Variants in CADM2 observed in about 807,000 individuals in gnomAD.
CADM2 encodes the protein immunoglobulin superfamily member 4D.
CADM2 carries 12 observed loss-of-function variants against 49.8 expected under a neutral mutation model. The observed-to-expected ratio is 0.24, with a 90% CI of 0.15 to 0.39. CADM2 has a LOEUF of 0.39. Among genes scored for constraint, CADM2 ranks in the 10% least tolerant of loss-of-function variants. The probability of loss-of-function intolerance (pLI) is 1.00; values close to 1 mark genes in which losing one functional copy is unlikely to be tolerated. For missense variants in CADM2, 378 were observed against 492.3 expected (o/e 0.77, Z 2.20); for synonymous variants, 214 against 175.4 (o/e 1.22, Z -1.74).
intron 1 of CADM2, among the ~76,000 whole-genome samples, chr3:85,031,987 T>A (rs1170082356): frequency 2.0e-5 from 3 of 152,196 alleles, no homozygotes; most frequent in Non-Finnish European, 4.4e-5. Context: ...TCTTGATACA[T>A]ACTGTATTTA....
chr3:85,068,095 T>A (rs2036588150), intron 1 of CADM2, among the ~76,000 whole-genome samples: 1 of 152,184 alleles, frequency 6.6e-6, no homozygotes, highest in Non-Finnish European at 1.5e-5. Flanking sequence ...TAGACACTAT[T>A]TTTAACGCAG....
At chr3:85,140,667 G>A (rs1030361857) in intron 1 of CADM2, among the ~76,000 whole-genome samples, 1 of 152,162 alleles carries the variant, frequency 6.6e-6, no homozygotes, top group Non-Finnish European at 1.5e-5. Flanking sequence ...GGCTTAAGAG[G>A]TTAAGTAACT....
At chr3:85,157,257 A>G (rs908883946) in intron 1 of CADM2, among the ~76,000 whole-genome samples, 6 of 151,406 alleles carry the variant, frequency 4.0e-5, no homozygotes, top group African/African-American at 1.5e-4. Flanking sequence ...GAAAATGGCC[A>G]TACTGCCCAA....
chr3:85,104,319 G>T (rs1205383411), intron 1 of CADM2, among the ~76,000 whole-genome samples: 2 of 151,562 alleles, frequency 1.3e-5, no homozygotes, highest in East Asian at 1.9e-4. Flanking sequence ...TTTCCCCATT[G>T]CTTGTTTTTC....
chr3:85,345,028 A>T (rs2030435135), intron 1 of CADM2, among the ~76,000 whole-genome samples: 1 of 152,136 alleles, frequency 6.6e-6, no homozygotes, highest in South Asian at 2.1e-4. Context: ...AATTTGTCAG[A>T]AATATCTCTG....
At chr3:85,329,702 A>C in intron 1 of CADM2, among the ~76,000 whole-genome samples, 2 of 152,324 alleles carry the variant, frequency 1.3e-5, no homozygotes, top group Middle Eastern at 3.4e-3. Context: ...GTAATATGAT[A>C]TGCTGAAGTA....
chr3:85,953,037 C>T (rs1363941176), intron 7 of CADM2, among the ~76,000 whole-genome samples: 5 of 150,548 alleles, frequency 3.3e-5, no homozygotes, highest in Non-Finnish European at 3.0e-5. Context: ...CACACCTGTA[C>T]CCCAAACTTT....
chr3:85,927,399 T>C (rs1720010823), intron 6 of CADM2, among the ~76,000 whole-genome samples: 1 of 152,150 alleles, frequency 6.6e-6, no homozygotes, highest in Non-Finnish European at 1.5e-5. Context: ...TAATACCTGA[T>C]CTTGAGGGAC....
At chr3:85,983,671 C>A (rs143512542) in intron 8 of CADM2, among the ~76,000 whole-genome samples, 1,585 of 151,702 alleles carry the variant, frequency 0.01, 28 homozygotes, top group African/African-American at 0.034. Flanking sequence ...TGGCAAAATT[C>A]TTTGGTGTTA....
At chr3:85,936,770 G>T (rs1315670240) in intron 7 of CADM2, among the ~76,000 whole-genome samples, 6 of 151,720 alleles carry the variant, frequency 4.0e-5, no homozygotes, top group Non-Finnish European at 8.9e-5. Context: ...AGAATTGTAA[G>T]ATAGATGCCT....
chr3:85,912,919 A>G (rs192665721), intron 6 of CADM2, among the ~76,000 whole-genome samples: 3 of 152,244 alleles, frequency 2.0e-5, no homozygotes, highest in Admixed American at 6.5e-5. Context: ...ATTTTATGCA[A>G]TTGTGGCTTC....
At chr3:85,630,251 C>T (rs1395402074) in intron 1 of CADM2, among the ~76,000 whole-genome samples, 1 of 151,900 alleles carries the variant, frequency 6.6e-6, no homozygotes. Context: ...GGTCTGTTTT[C>T]CCAGTATCCT....
At chr3:85,310,015 G>T (rs1030733494) in intron 1 of CADM2, among the ~76,000 whole-genome samples, 40 of 152,114 alleles carry the variant, frequency 2.6e-4, no homozygotes, top group Non-Finnish European at 5.7e-4. Context: ...TCTTCTTAGA[G>T]CTAAATTTAA....
chr3:85,556,831 C>T (rs2061972064), intron 1 of CADM2, among the ~76,000 whole-genome samples: 1 of 152,108 alleles, frequency 6.6e-6, no homozygotes, highest in South Asian at 2.1e-4. Flanking sequence ...ATCAAAATTA[C>T]TGAACTTAGA....
intron 1 of CADM2, among the ~76,000 whole-genome samples, chr3:85,525,796 G>T (rs1012094647): frequency 2.6e-5 from 4 of 151,866 alleles, no homozygotes; most frequent in African/African-American, 4.8e-5. Context: ...GGGTTTATCA[G>T]TGAAACTCTT....
At chr3:85,273,097 A>G (rs575540118) in intron 1 of CADM2, among the ~76,000 whole-genome samples, 46 of 150,500 alleles carry the variant, frequency 3.1e-4, no homozygotes, top group South Asian at 2.7e-3. Flanking sequence ...AATACTGGGG[A>G]AAAAAAAAGG....
At chr3:86,016,872 G>A (rs1018843566) in intron 8 of CADM2, among the ~76,000 whole-genome samples, 6 of 151,378 alleles carry the variant, frequency 4.0e-5, no homozygotes, top group African/African-American at 1.5e-4. Context: ...TTCAATGAGG[G>A]GTTTAAAACA....
At chr3:85,046,209 T>G (rs768672573) in intron 1 of CADM2, among the ~76,000 whole-genome samples, 4 of 151,938 alleles carry the variant, frequency 2.6e-5, no homozygotes, top group South Asian at 4.1e-4. Context: ...TTGTTTAAAA[T>G]AACCAAAGGA....
intron 3 of CADM2, among the ~76,000 whole-genome samples, chr3:85,877,733 G>GA (rs1432327904): frequency 6.8e-6 from 1 of 147,254 alleles, no homozygotes; most frequent in Non-Finnish European, 1.5e-5. Context: ...TCCCATGGGG[G>GA]ATCCTGTGGA....
Sources: gnomAD v4.1 joint callset for allele counts (sites outside exome capture counted in the v4.1 genomes callset) on GRCh38, gnomAD v4.1.1 for gene constraint, MANE v1.5 for transcripts, NCBI Gene and HGNC (gene_info 2026-07-23, HGNC 2026-07-21) for gene names.